The following COBLL1 variants were observed in gnomAD, a reference collection of about 807,000 sequenced individuals.
The protein encoded by COBLL1 is cordon-bleu protein-like 1.
Under a neutral mutation model 94.8 loss-of-function variants are expected in COBLL1, and 50 were observed. The ratio of observed to expected loss-of-function variants is 0.53; its 90% confidence interval spans 0.42 to 0.67. The LOEUF (loss-of-function observed/expected upper bound fraction) is 0.67, where lower values mean the gene tolerates loss of function less well. Among genes scored for constraint, COBLL1 ranks in the 30% least tolerant of loss-of-function variants. The probability of loss-of-function intolerance (pLI) is 0.00; values close to 1 mark genes in which losing one functional copy is unlikely to be tolerated. For synonymous variants in COBLL1, 448 were observed against 473.8 expected (o/e 0.95, Z 0.71); for missense variants, 1,362 against 1,348.7 (o/e 1.01, Z -0.15).
chr2:164,765,825 GC>G (rs909335404), intron 2 of COBLL1, among the ~76,000 whole-genome samples: 13 of 152,104 alleles, frequency 8.5e-5, no homozygotes, highest in African/African-American at 3.1e-4. Flanking sequence ...GGTCGCTTTT[GC>G]CTTTTCATCT....
intron 2 of COBLL1, among the ~76,000 whole-genome samples, chr2:164,780,889 A>G (rs1688696167): frequency 6.6e-6 from 1 of 152,164 alleles, no homozygotes; most frequent in Admixed American, 6.6e-5. Context: ...TGTAATTCTC[A>G]GTCAGTAATT....
intron 2 of COBLL1, among the ~76,000 whole-genome samples, chr2:164,746,024 T>C (rs1427606996): frequency 1.3e-5 from 2 of 152,168 alleles, no homozygotes; most frequent in African/African-American, 4.8e-5. Context: ...ACTTTGGTAA[T>C]AGCAACAAAA....
Position 164,694,444 on chromosome 2 carries a change from G to A in COBLL1, c.2948C>T (p.Ser983Phe), listed in dbSNP as rs746015619. Residue 983 changes from serine to phenylalanine, a missense_variant, in exon 12 of 14, where the codon TCT becomes TTT. Coordinates refer to ENST00000652658, the MANE Select transcript of COBLL1 (RefSeq NM_001365672.2). ...AGCAAGAGCAAACGGTGAAGGACCAGAACTTGAGTATGGTCGTGGGGCACC... is the reference window on the plus strand; with the variant it reads ...AGCAAGAGCAAACGGTGAAGGACCAAAACTTGAGTATGGTCGTGGGGCACC... The part of the protein sequence containing the change: ...TFGAPRPYSS[S>F]GPSPFALAVV... The A allele has an allele frequency of 2.6e-5, 42 of 1,613,958 alleles. No individual in the cohort carries two copies. The highest frequency in any genetic ancestry group is 3.1e-5 in the Non-Finnish European group (37 of 1,179,930).
chr2:164,702,495 T>TG (rs1453282558), intron 9 of COBLL1, among the ~76,000 whole-genome samples: 1 of 134,994 alleles, frequency 7.4e-6, no homozygotes, highest in Non-Finnish European at 1.5e-5. Context: ...ACCCAGGAGG[T>TG]GGAGCTTGCA....
At chr2:164,769,824 G>A (rs184127764) in intron 2 of COBLL1, among the ~76,000 whole-genome samples, 92 of 152,200 alleles carry the variant, frequency 6.0e-4, no homozygotes, top group Middle Eastern at 3.4e-3. Context: ...AAGCACCTAC[G>A]CTGGCTTTGG....
chr2:164,674,384 T>C (rs911309737), intron 1 of COBLL1, among the ~76,000 whole-genome samples: 7 of 152,132 alleles, frequency 4.6e-5, no homozygotes, highest in African/African-American at 1.7e-4. Context: ...ATTCATGCAT[T>C]CTTTCAACAA....
At chr2:164,707,460 A>T (rs141444965) in intron 7 of COBLL1, among the ~76,000 whole-genome samples, 1 of 152,112 alleles carries the variant, frequency 6.6e-6, no homozygotes, top group East Asian at 1.9e-4. Context: ...CTTTTCAATG[A>T]ACTCCTCCCT....
At chr2:164,821,852 G>A (rs956753512) in intron 2 of COBLL1, among the ~76,000 whole-genome samples, 5 of 152,106 alleles carry the variant, frequency 3.3e-5, no homozygotes, top group African/African-American at 7.2e-5. Flanking sequence ...TTTCAAAAAC[G>A]ATGATCCTAA....
At chr2:164,784,281 C>A (rs930433375) in intron 2 of COBLL1, among the ~76,000 whole-genome samples, 2 of 152,114 alleles carry the variant, frequency 1.3e-5, no homozygotes, top group Non-Finnish European at 2.9e-5. Context: ...CACCATACTG[C>A]GCAACACACA....
chr2:164,769,036 T>C lies in COBLL1; in HGVS notation c.42-25161A>G, dbSNP rs550306333. Among the ~76,000 whole-genome samples, 427 of 152,332 alleles carry C rather than the reference T, an allele frequency of 2.8e-3. 1 individual carries two copies. The highest frequency in any genetic ancestry group is 1.0e-2 in the African/African-American group (414 of 41,590). On this transcript the variant is annotated intron_variant, in intron 2 of 13. Coordinates refer to ENST00000652658, the MANE Select transcript of COBLL1 (RefSeq NM_001365672.2). ...CAGGCACCTTAACTCTCTGGTTTAA[T>C]GCTGTGTCTTGAAGCATCTAGAATA...
At chr2:164,754,903 G>A (rs1382802681) in intron 2 of COBLL1, among the ~76,000 whole-genome samples, 3 of 152,124 alleles carry the variant, frequency 2.0e-5, no homozygotes, top group Admixed American at 6.5e-5. Context: ...GCTGGGTGCA[G>A]TGGCCCACAC....
intron 7 of COBLL1, among the ~76,000 whole-genome samples, chr2:164,710,270 A>G (rs904463139): frequency 9.2e-5 from 14 of 152,180 alleles, no homozygotes; most frequent in Non-Finnish European, 1.9e-4. Context: ...GAGGCGCGGT[A>G]AAGTCTGCAG....
rs944065048 is a variant in COBLL1 at position 164,704,527 on chromosome 2, A to G, written c.1151-9T>C. 1 of 1,600,762 alleles carries G rather than the reference A, an allele frequency of 6.2e-7. No individual in the cohort carries two copies. The highest frequency in any genetic ancestry group is 8.6e-7 in the Non-Finnish European group (1 of 1,167,976). On this transcript the variant is annotated splice_polypyrimidine_tract_variant and intron_variant, in intron 8 of 13. Transcript: ENST00000652658. ...ATCTACTGGCTGTAAGGCTAAAGGA[A>G]AGAAGCAACACAACTTATAAAGTCA...
intron 2 of COBLL1, among the ~76,000 whole-genome samples, chr2:164,818,910 C>T (rs2105357322): frequency 6.6e-6 from 1 of 151,640 alleles, no homozygotes; most frequent in Non-Finnish European, 1.5e-5. Context: ...GCTGAGACTA[C>T]AGGTGCATGC....
At chr2:164,780,083 G>T (rs1208289712) in intron 2 of COBLL1, among the ~76,000 whole-genome samples, 1 of 152,102 alleles carries the variant, frequency 6.6e-6, no homozygotes, top group Non-Finnish European at 1.5e-5. Flanking sequence ...TAAATGTGAG[G>T]CAGTCTAGCA....
chr2:164,774,626 CA>C (rs1688372349), intron 2 of COBLL1, among the ~76,000 whole-genome samples: 2 of 152,228 alleles, frequency 1.3e-5, no homozygotes, highest in African/African-American at 4.8e-5. Context: ...GGTTATAGCT[CA>C]AAATATCACA....
intron 2 of COBLL1, among the ~76,000 whole-genome samples, chr2:164,755,685 A>C (rs986845495): frequency 6.6e-6 from 1 of 152,218 alleles, no homozygotes; most frequent in Admixed American, 6.5e-5. Flanking sequence ...ATGTAATAAA[A>C]GGGTCATGTA....
At chr2:164,688,404 T>C (rs1683417826) in intron 13 of COBLL1, among the ~76,000 whole-genome samples, 1 of 152,170 alleles carries the variant, frequency 6.6e-6, no homozygotes, top group African/African-American at 2.4e-5. Context: ...AAATATTTCT[T>C]AAATGGAATA....
At chr2:164,830,965 C>T (rs1181016950) in intron 2 of COBLL1, among the ~76,000 whole-genome samples, 1 of 152,084 alleles carries the variant, frequency 6.6e-6, no homozygotes, top group Admixed American at 6.6e-5. Context: ...TAAAGCTTAC[C>T]CACTTTCAGA....
Sources: gnomAD v4.1 joint callset for allele counts (sites outside exome capture counted in the v4.1 genomes callset) on GRCh38, gnomAD v4.1.1 for gene constraint, MANE v1.5 for transcripts, NCBI Gene and HGNC (gene_info 2026-07-23, HGNC 2026-07-21) for gene names.